The following DIP2B variants were observed in gnomAD, a reference collection of about 807,000 sequenced individuals.
DIP2B encodes the protein disco-interacting protein 2 homolog B.
In DIP2B, 76 loss-of-function variants were observed where a neutral mutation model predicts 198.0. The ratio of observed to expected loss-of-function variants is 0.38; its 90% CI spans 0.32 to 0.46. The LOEUF (loss-of-function observed/expected upper bound fraction) is 0.46, where lower values mean the gene tolerates loss of function less well. Among genes scored for constraint, DIP2B ranks in the 20% least tolerant of loss-of-function variants. The pLI is 0.99. For missense variants in DIP2B, 1,559 were observed against 1,978.4 expected, an observed-to-expected ratio of 0.79 and a Z score of 4.02; for synonymous variants, 701 against 739.1, an observed-to-expected ratio of 0.95 and a Z score of 0.84.
At chr12:50,561,211 C>T (rs1368558494) in intron 1 of DIP2B, among the ~76,000 whole-genome samples, 2 of 152,142 alleles carry the variant, frequency 1.3e-5, no homozygotes, top group Non-Finnish European at 2.9e-5. Context: ...TTCTATGGAT[C>T]ATTCTTCATT....
In DIP2B at chr12:50,686,840, A is replaced by G. The variant is rs1029712711; in HGVS notation, c.1551+158A>G. On this transcript the variant is annotated intron_variant, in intron 12 of 37. Coordinates refer to ENST00000301180, the MANE Select transcript of DIP2B (RefSeq NM_173602.3). The stretch of plus-strand genomic sequence containing the variant: ...TGGCTTGTAAAATGCCTTGTAGTGG[A>G]TCTTCTATCCTAATTATTTTGATCA... The G allele has an allele frequency of 1.8e-5, 11 of 606,052 alleles. No individual in the cohort carries two copies. In the African/African-American group the frequency reaches 2.0e-4, roughly 11 times the overall value. The allele number at this position is 606,052 out of a possible 1,614,324, so 37.5% of individuals were successfully genotyped here. A position where few individuals can be genotyped will look rare whatever the true frequency, so the allele number is the denominator to read the frequency against.
chr12:50,716,533 A>G (rs1939720305), intron 23 of DIP2B, among the ~76,000 whole-genome samples: 1 of 151,824 alleles, frequency 6.6e-6, no homozygotes, highest in Non-Finnish European at 1.5e-5. Context: ...GTCTCAAAAA[A>G]CAAAACAAAA....
At chr12:50,733,514 C>T (rs1055273922) in intron 32 of DIP2B, among the ~76,000 whole-genome samples, 5 of 151,994 alleles carry the variant, frequency 3.3e-5, no homozygotes, top group African/African-American at 1.2e-4. Flanking sequence ...ATAGTTGAGA[C>T]CTCATCTCTC....
At chr12:50,596,405 G>A (rs1299836573) in intron 1 of DIP2B, among the ~76,000 whole-genome samples, 1 of 152,170 alleles carries the variant, frequency 6.6e-6, no homozygotes, top group Non-Finnish European at 1.5e-5. Flanking sequence ...GCCAGTCTGG[G>A]CTGTGGAATC....
chr12:50,592,326 C>T (rs1958826848), intron 1 of DIP2B, among the ~76,000 whole-genome samples: 1 of 152,086 alleles, frequency 6.6e-6, no homozygotes, highest in African/African-American at 2.4e-5. Flanking sequence ...AGACAAGTGC[C>T]ACCATGTCTG....
intron 1 of DIP2B, among the ~76,000 whole-genome samples, chr12:50,540,610 G>A (rs1958315612): frequency 6.8e-6 from 1 of 147,050 alleles, no homozygotes; most frequent in Non-Finnish European, 1.5e-5. Flanking sequence ...GTGCAGTGGT[G>A]CGATCTCGGC....
chr12:50,614,305 C>A (rs1465181707), intron 1 of DIP2B, among the ~76,000 whole-genome samples: 1 of 152,144 alleles, frequency 6.6e-6, no homozygotes, highest in Admixed American at 6.6e-5. Flanking sequence ...TCCTGGTCTC[C>A]CCACTGTGTG....
chr12:50,671,115 C>T, intron 4 of DIP2B, 71 bp from the exon 5 acceptor site: 2 of 1,460,532 alleles, frequency 1.4e-6, no homozygotes, highest in South Asian at 1.2e-5. Flanking sequence ...AATGTGTGAT[C>T]AATGAGCAAG....
At chr12:50,613,575 A>G (rs2139456051) in intron 1 of DIP2B, among the ~76,000 whole-genome samples, 1 of 152,266 alleles carries the variant, frequency 6.6e-6, no homozygotes, top group Middle Eastern at 3.4e-3. Context: ...AAATGATAAT[A>G]TTTGTTCAAT....
intron 30 of DIP2B, 33 bp downstream of exon 30, chr12:50,728,711 G>A (rs746118095): frequency 1.1e-5 from 18 of 1,610,056 alleles, no homozygotes; most frequent in East Asian, 2.2e-5. Context: ...GACAGAATGT[G>A]TGGGGGTATA....
Position 50,694,450 on chromosome 12 carries a change from G to A in DIP2B, c.1720-817G>A, listed in dbSNP as rs148055253. ...GCAGAGGTTGCAGTGAGCCGAGATC[G>A]CACCACTGTACTCTAGCCTGGGCAA... On this transcript the variant is annotated intron_variant, in intron 14 of 37. Transcript: ENST00000301180. Among the ~76,000 whole-genome samples, 1,147 of 151,954 alleles carry A rather than the reference G, an allele frequency of 7.5e-3. 8 individuals are homozygous for A. Among genetic ancestry groups the A allele is most frequent in the Non-Finnish European group, 0.013 (876 of 67,958 alleles).
chr12:50,552,253 G>A (rs1268625952), intron 1 of DIP2B, among the ~76,000 whole-genome samples: 1 of 150,472 alleles, frequency 6.6e-6, no homozygotes, highest in Admixed American at 6.6e-5. Context: ...TGTTGTTGTT[G>A]TTGAGTTATA....
At chr12:50,712,704 C>T (rs552359298) in intron 22 of DIP2B, among the ~76,000 whole-genome samples, 2 of 152,192 alleles carry the variant, frequency 1.3e-5, no homozygotes, top group South Asian at 2.1e-4. Flanking sequence ...GTCAGGAGTT[C>T]GAGACCAGCC....
rs114273322 is a variant in DIP2B, at chr12:50,708,311, A to G, written c.2535-137A>G. Reference sequence around the variant, plus strand: ...ATGAATGCTCATTTTGAGAGTAATGATTATGACATTTTCTTTTCTAAGCTA... The same window carrying G: ...ATGAATGCTCATTTTGAGAGTAATGGTTATGACATTTTCTTTTCTAAGCTA... On this transcript the variant is annotated intron_variant, in intron 21 of 37. Transcript: ENST00000301180. 2.3e-3 allele frequency: 1,541 copies of G among 668,962 alleles called. 21 individuals carry two copies. In the African/African-American group the frequency reaches 0.025, roughly 11 times the overall value. The allele number at this position is 668,962 out of a possible 1,614,324, so 41.4% of individuals were successfully genotyped here. A position where few individuals can be genotyped will look rare whatever the true frequency, so the allele number is the denominator to read the frequency against.
rs1939301916 is a variant in DIP2B, at chr12:50,695,850, AAG to A, written c.1817_1818del (p.Lys606SerfsTer34). 1 of 1,613,948 alleles carries A rather than the reference AAG, an allele frequency of 6.2e-7. No homozygotes were observed. The highest frequency in any genetic ancestry group is 1.1e-5 in the South Asian group (1 of 91,078). ...WVQRVHAHKA[K>X]VALVKCRDLH... ...CTTCATCCTTTTTGAATTTATAGCC[AAG>A]GTAGCTTTAGTAAAATGTCGGGACT... On this transcript the variant is annotated frameshift_variant, in exon 16 of 38. Coordinates refer to ENST00000301180, the MANE Select transcript of DIP2B (RefSeq NM_173602.3). LOFTEE classifies it high-confidence loss of function.
chr12:50,622,831 C>T (rs780885320), intron 1 of DIP2B, among the ~76,000 whole-genome samples: 1 of 151,912 alleles, frequency 6.6e-6, no homozygotes, highest in South Asian at 2.1e-4. Flanking sequence ...AGGCTGGTCT[C>T]GAACTCCTGA....
chr12:50,692,285 T>C (rs895714526), intron 13 of DIP2B, among the ~76,000 whole-genome samples: 22 of 152,156 alleles, frequency 1.4e-4, no homozygotes, highest in Non-Finnish European at 2.5e-4. Flanking sequence ...TTTAGAGATA[T>C]ATACATATAC....
intron 29 of DIP2B, among the ~76,000 whole-genome samples, 156 bp from the exon 30 acceptor site, chr12:50,728,392 C>T (rs1939975282): frequency 6.6e-6 from 1 of 152,024 alleles, no homozygotes; most frequent in Non-Finnish European, 1.5e-5. Flanking sequence ...GAAATATGTT[C>T]CCTTAATGGA....
At chr12:50,604,403 T>C (rs925352829) in intron 1 of DIP2B, among the ~76,000 whole-genome samples, 12 of 152,322 alleles carry the variant, frequency 7.9e-5, no homozygotes, top group Non-Finnish European at 5.9e-5. Context: ...AGCACAGTAG[T>C]AGACTTTTTT....
Sources: gnomAD v4.1 joint callset for allele counts (sites outside exome capture counted in the v4.1 genomes callset) on GRCh38, gnomAD v4.1.1 for gene constraint, MANE v1.5 for transcripts, NCBI Gene and HGNC (gene_info 2026-07-23, HGNC 2026-07-21) for gene names.